Variants in PSTPIP2 observed in about 807,000 individuals in gnomAD.
The protein encoded by PSTPIP2 is proline-serine-threonine phosphatase interacting protein 2, also known as proline-serine-threonine phosphatase-interacting protein 2.
PSTPIP2 carries 33 observed loss-of-function variants against 63.3 expected under a neutral mutation model. That is an observed-to-expected ratio of 0.52 (90% CI 0.40 to 0.70). The LOEUF (loss-of-function observed/expected upper bound fraction) is 0.70, where lower values mean the gene tolerates loss of function less well. Among genes scored for constraint, PSTPIP2 ranks in the 30% least tolerant of loss-of-function variants. The probability of loss-of-function intolerance (pLI) is 0.00; values close to 1 mark genes in which losing one functional copy is unlikely to be tolerated. For missense variants in PSTPIP2, 312 were observed against 400.7 expected (o/e 0.78, Z 1.89); for synonymous variants, 125 against 132.7 (o/e 0.94, Z 0.40).
chr18:46,008,133 A>G (rs1411579069), intron 5 of PSTPIP2, among the ~76,000 whole-genome samples: 2 of 152,052 alleles, frequency 1.3e-5, no homozygotes, highest in Admixed American at 1.3e-4. Context: ...GGGTTTTATT[A>G]CTGATAACAC....
At chr18:46,071,105 A>G (rs1488703371) in intron 1 of PSTPIP2, among the ~76,000 whole-genome samples, 1 of 152,046 alleles carries the variant, frequency 6.6e-6, no homozygotes, top group Non-Finnish European at 1.5e-5. Context: ...CACAAACTCC[A>G]GTGAAGGGAC....
At chr18:46,010,010 T>A (rs2051778521) in intron 5 of PSTPIP2, among the ~76,000 whole-genome samples, 1 of 152,198 alleles carries the variant, frequency 6.6e-6, no homozygotes, top group Non-Finnish European at 1.5e-5. Flanking sequence ...CTACCCTTCC[T>A]TCCTGGTAAA....
chr18:46,072,006 C>G, intron 1 of PSTPIP2, 150 bp downstream of exon 1: 3 of 1,046,264 alleles, frequency 2.9e-6, no homozygotes, highest in Non-Finnish European at 3.9e-6. Flanking sequence ...GCTGGGGCCC[C>G]GATCCCTTCA....
intron 1 of PSTPIP2, among the ~76,000 whole-genome samples, chr18:46,069,263 A>G (rs1029258481): frequency 1.3e-5 from 2 of 152,052 alleles, no homozygotes; most frequent in African/African-American, 4.8e-5. Context: ...AAAAACTGGA[A>G]TTTTTTCTCA....
intron 2 of PSTPIP2, among the ~76,000 whole-genome samples, chr18:46,036,946 T>C (rs1427362911): frequency 1.3e-5 from 2 of 152,312 alleles, no homozygotes; most frequent in African/African-American, 4.8e-5. Flanking sequence ...GCATGTACCA[T>C]GTAAAAGTGG....
At chr18:46,021,780 T>C (rs531327816) in intron 3 of PSTPIP2, among the ~76,000 whole-genome samples, 8 of 127,910 alleles carry the variant, frequency 6.3e-5, no homozygotes, top group African/African-American at 2.5e-4. Flanking sequence ...ACCCTGTCTC[T>C]ACTAAAAATA....
At chr18:46,064,866 C>A (rs915381419) in intron 1 of PSTPIP2, among the ~76,000 whole-genome samples, 1 of 151,118 alleles carries the variant, frequency 6.6e-6, no homozygotes, top group African/African-American at 2.4e-5. Flanking sequence ...AACACTGGGC[C>A]GGGTGCGGTG....
intron 1 of PSTPIP2, among the ~76,000 whole-genome samples, chr18:46,044,851 C>T (rs1347514127): frequency 2.0e-5 from 3 of 152,120 alleles, no homozygotes; most frequent in Non-Finnish European, 4.4e-5. Context: ...GGGTGAAGGA[C>T]ATGAACAGAT....
chr18:45,993,409 G>C (rs1383689254), intron 10 of PSTPIP2, among the ~76,000 whole-genome samples, 196 bp downstream of exon 10: 4 of 152,178 alleles, frequency 2.6e-5, no homozygotes, highest in African/African-American at 9.7e-5. Flanking sequence ...ATCTCTTAAT[G>C]AGAAAATCAT....
At chr18:46,002,141 G>A (rs916034712) in intron 6 of PSTPIP2, among the ~76,000 whole-genome samples, 3 of 152,140 alleles carry the variant, frequency 2.0e-5, no homozygotes, top group African/African-American at 7.2e-5. Context: ...TTTAGTGAAG[G>A]TGTCATTTCT....
intron 4 of PSTPIP2, among the ~76,000 whole-genome samples, chr18:46,012,777 AAG>A (rs1033045053): frequency 6.6e-6 from 1 of 152,122 alleles, no homozygotes; most frequent in Non-Finnish European, 1.5e-5. Flanking sequence ...ATCTCAAAAA[AAG>A]AGAGAGAGAG....
chr18:45,998,860 A>C (rs766793189), intron 7 of PSTPIP2, 21 bp from the exon 8 acceptor site: 28 of 1,613,646 alleles, frequency 1.7e-5, no homozygotes, highest in Non-Finnish European at 2.3e-5. Flanking sequence ...AAACAAACAA[A>C]CAAAAAAAGA....
At chr18:46,003,902 G>A (rs539592570) in intron 6 of PSTPIP2, among the ~76,000 whole-genome samples, 1 of 151,572 alleles carries the variant, frequency 6.6e-6, no homozygotes, top group Admixed American at 6.6e-5. Flanking sequence ...GATTACAGGT[G>A]CACACCACCA....
At chr18:46,047,647 G>A (rs1296576192) in intron 1 of PSTPIP2, among the ~76,000 whole-genome samples, 2 of 151,954 alleles carry the variant, frequency 1.3e-5, no homozygotes, top group African/African-American at 4.8e-5. Context: ...CCGAAGTCAC[G>A]CCTTTGCACT....
chr18:45,991,951 G>C lies in PSTPIP2; in HGVS notation c.871C>G (p.Gln291Glu). The C allele has an allele frequency of 6.2e-7, 1 of 1,613,696 alleles. No individual in the cohort carries two copies. The highest frequency in any genetic ancestry group is 8.5e-7 in the Non-Finnish European group (1 of 1,179,632). Residue 291 changes from glutamine to glutamate, a missense_variant, in exon 12 of 15, where the codon CAG (glutamine) becomes GAG (glutamate). Coordinates refer to ENST00000409746, the MANE Select transcript of PSTPIP2 (RefSeq NM_024430.4). ...TTTCCTGCTGGGACTGCATTCTTCT[G>C]GGAGGAGTAGAAATTCTCATACATG... ...PIMYENFYSS[Q>E]KNAVPAGKAT...
chr18:45,993,647 T>G lies in PSTPIP2; in HGVS notation c.699A>C (p.Leu233Phe). ...ATTGTTGTGACAGCTGATTCACATGTAACCACAATGCATTCCGGAAGAAGT... is the reference window on the plus strand; with the variant it reads ...ATTGTTGTGACAGCTGATTCACATGGAACCACAATGCATTCCGGAAGAAGT... ...RINFFRNALW[L>F]HVNQLSQQCV... The change falls in exon 10 of 15, where the codon TTA (leucine) becomes TTC (phenylalanine). Residue 233 changes from leucine to phenylalanine, a missense_variant. Leu to Phe is a conservative substitution (Grantham distance 22). Coordinates refer to ENST00000409746, the MANE Select transcript of PSTPIP2 (RefSeq NM_024430.4). 3 of 1,614,242 alleles carry G rather than the reference T, an allele frequency of 1.9e-6. No homozygotes were observed. The highest frequency in any genetic ancestry group is 2.5e-6 in the Non-Finnish European group (3 of 1,180,036).
At chr18:46,070,558 G>A (rs191502238) in intron 1 of PSTPIP2, among the ~76,000 whole-genome samples, 63 of 152,334 alleles carry the variant, frequency 4.1e-4, no homozygotes, top group Admixed American at 2.4e-3. Context: ...CTGTCGTCCA[G>A]GCTGGAGTGC....
intron 1 of PSTPIP2, among the ~76,000 whole-genome samples, chr18:46,050,614 G>C (rs1188556340): frequency 2.0e-5 from 3 of 152,032 alleles, no homozygotes; most frequent in Non-Finnish European, 4.4e-5. Context: ...TAAATATTCA[G>C]CAATAAAGAT....
At chr18:46,009,404 C>T (rs1023081988) in intron 5 of PSTPIP2, among the ~76,000 whole-genome samples, 2 of 122,758 alleles carry the variant, frequency 1.6e-5, no homozygotes, top group South Asian at 2.7e-4. Context: ...TAGCTAAATA[C>T]GGAAGTGGTA....
Sources: gnomAD v4.1 joint callset for allele counts (sites outside exome capture counted in the v4.1 genomes callset) on GRCh38, gnomAD v4.1.1 for gene constraint, MANE v1.5 for transcripts, NCBI Gene and HGNC (gene_info 2026-07-23, HGNC 2026-07-21) for gene names.